The following CPNE4 variants were observed in gnomAD, a reference collection of about 807,000 sequenced individuals.
CPNE4 encodes copine-4.
In CPNE4, 25 loss-of-function variants were observed where a neutral mutation model predicts 67.9. The ratio of observed to expected loss-of-function variants is 0.37; its 90% CI spans 0.27 to 0.51. CPNE4 has a LOEUF of 0.51. CPNE4 is among the 20% of genes least tolerant of loss of function. The probability of loss-of-function intolerance (pLI) is 0.93; values close to 1 mark genes in which losing one functional copy is unlikely to be tolerated. For missense variants in CPNE4, 464 were observed against 690.8 expected (o/e 0.67, Z 3.68); for synonymous variants, 242 against 244.9 (o/e 0.99, Z 0.11).
chr3:131,659,334 C>T (rs2080063456), intron 7 of CPNE4, among the ~76,000 whole-genome samples: 2 of 151,856 alleles, frequency 1.3e-5, no homozygotes, highest in Non-Finnish European at 2.9e-5. Flanking sequence ...CCAGTTTTCC[C>T]CAAGTATCTT....
chr3:131,566,819 G>A (rs1356775813), intron 10 of CPNE4, among the ~76,000 whole-genome samples: 3 of 151,952 alleles, frequency 2.0e-5, no homozygotes, highest in Non-Finnish European at 4.4e-5. Flanking sequence ...GGGAAGGCCA[G>A]ATGTAAAGCC....
chr3:131,917,124 G>A (rs1435693942), intron 1 of CPNE4, among the ~76,000 whole-genome samples: 1 of 152,188 alleles, frequency 6.6e-6, no homozygotes, highest in South Asian at 2.1e-4. Context: ...ATGGAGGAGT[G>A]AAGTGGCAAC....
intron 1 of CPNE4, among the ~76,000 whole-genome samples, chr3:131,978,083 A>ACATATT: frequency 1.1e-4 from 4 of 35,984 alleles, no homozygotes; most frequent in African/African-American, 5.6e-4. Context: ...ATATAAATAT[A>ACATATT]TATAAATATA....
At chr3:131,900,461 C>T (rs2088510125) in intron 2 of CPNE4, among the ~76,000 whole-genome samples, 1 of 151,996 alleles carries the variant, frequency 6.6e-6, no homozygotes, top group Admixed American at 6.6e-5. Flanking sequence ...TAAAGGTAAC[C>T]TAGGCACCCT....
intron 2 of CPNE4, among the ~76,000 whole-genome samples, chr3:131,822,973 G>A (rs1252509953): frequency 6.6e-6 from 1 of 151,980 alleles, no homozygotes; most frequent in Non-Finnish European, 1.5e-5. Context: ...CAAGTAGCTG[G>A]GACTACAGGC....
intron 3 of CPNE4, among the ~76,000 whole-genome samples, chr3:131,721,830 A>G (rs1023616883): frequency 9.2e-5 from 14 of 152,214 alleles, no homozygotes; most frequent in African/African-American, 3.4e-4. Context: ...TAGAAACAGG[A>G]TTTCATCTCA....
chr3:132,003,857 G>A (rs1404484818), intron 1 of CPNE4, among the ~76,000 whole-genome samples: 1 of 152,074 alleles, frequency 6.6e-6, no homozygotes, highest in Non-Finnish European at 1.5e-5. Context: ...ACAGCTAGGG[G>A]CCATGGAAGC....
chr3:131,776,547 T>G (rs2083294968), intron 2 of CPNE4, among the ~76,000 whole-genome samples: 2 of 152,104 alleles, frequency 1.3e-5, no homozygotes, highest in South Asian at 4.1e-4. Flanking sequence ...GGAACTTTAT[T>G]TCAGACAAAA....
intron 9 of CPNE4, 61 bp downstream of exon 9, chr3:131,581,518 G>T: frequency 9.0e-7 from 1 of 1,112,610 alleles, no homozygotes. Flanking sequence ...CACACCACCT[G>T]AACTCTTCCT....
intron 2 of CPNE4, among the ~76,000 whole-genome samples, chr3:131,899,991 C>T (rs1159240514): frequency 6.6e-6 from 1 of 152,030 alleles, no homozygotes; most frequent in Non-Finnish European, 1.5e-5. Flanking sequence ...CACACATTAT[C>T]CCTTCTGTGC....
At chr3:131,650,744 CAAAAAAAAAAAAAAA>C (rs141219633) in intron 7 of CPNE4, among the ~76,000 whole-genome samples, 1 of 61,196 alleles carries the variant, frequency 1.6e-5, no homozygotes, top group Admixed American at 2.7e-4. Flanking sequence ...GACTCCGTCT[CAAAAAAAAAAAAAAA>C]AAAAAAAAAA....
At chr3:131,820,957 G>C (rs183181444) in intron 2 of CPNE4, among the ~76,000 whole-genome samples, 2 of 152,296 alleles carry the variant, frequency 1.3e-5, no homozygotes, top group East Asian at 3.9e-4. Context: ...GTAAACAACA[G>C]AGGTCTCAAG....
intron 1 of CPNE4, among the ~76,000 whole-genome samples, chr3:131,954,984 G>T (rs377588819): frequency 8.1e-6 from 1 of 123,412 alleles, no homozygotes; most frequent in Non-Finnish European, 1.8e-5. Context: ...AAAAAAAAAA[G>T]AATTCCTTCT....
chr3:131,586,742 G>A (rs1292199194), intron 8 of CPNE4, among the ~76,000 whole-genome samples: 24 of 148,566 alleles, frequency 1.6e-4, no homozygotes, highest in African/African-American at 5.5e-4. Context: ...CTGTCTGTCT[G>A]TCTGTCTGTC....
At chr3:131,975,595 C>G (rs1032841941) in intron 1 of CPNE4, among the ~76,000 whole-genome samples, 1 of 152,114 alleles carries the variant, frequency 6.6e-6, no homozygotes, top group African/African-American at 2.4e-5. Context: ...GCCCTGAATG[C>G]CTACACTGCA....
At chr3:131,948,612 T>A (rs2071630123) in intron 1 of CPNE4, among the ~76,000 whole-genome samples, 2 of 152,232 alleles carry the variant, frequency 1.3e-5, no homozygotes, top group African/African-American at 2.4e-5. Flanking sequence ...TGTGTGTGAT[T>A]TTAGTGTGTT....
chr3:131,778,641 C>G (rs1430995746), intron 2 of CPNE4, among the ~76,000 whole-genome samples: 1 of 152,002 alleles, frequency 6.6e-6, no homozygotes, highest in East Asian at 1.9e-4. Flanking sequence ...GAGAGTGTGC[C>G]AAAGAGCAAG....
chr3:131,667,636 T>A (rs1435917471), intron 7 of CPNE4, among the ~76,000 whole-genome samples: 8 of 151,974 alleles, frequency 5.3e-5, no homozygotes, highest in Admixed American at 5.3e-4. Context: ...TTCTTCTTTT[T>A]TTCCTTCTTT....
chr3:131,649,680 T>C (rs561578833), intron 7 of CPNE4, among the ~76,000 whole-genome samples: 6 of 152,202 alleles, frequency 3.9e-5, no homozygotes, highest in Non-Finnish European at 5.9e-5. Context: ...TCAATTCTTA[T>C]AGGGTTTGGA....
Sources: gnomAD v4.1 joint callset for allele counts (sites outside exome capture counted in the v4.1 genomes callset) on GRCh38, gnomAD v4.1.1 for gene constraint, MANE v1.5 for transcripts, NCBI Gene and HGNC (gene_info 2026-07-23, HGNC 2026-07-21) for gene names.